Variants in DLGAP1 observed in about 807,000 individuals in gnomAD.
DLGAP1 encodes the protein DLG associated protein 1, also known as disks large-associated protein 1.
A neutral mutation model predicts 90.8 loss-of-function variants in DLGAP1; 11 were observed. The observed-to-expected ratio is 0.12, with a 90% CI of 0.08 to 0.20. The LOEUF is 0.20. Among genes scored for constraint, DLGAP1 ranks in the 10% least tolerant of loss-of-function variants. DLGAP1 has a pLI of 1.00. For missense variants in DLGAP1, 1,050 were observed against 1,333.8 expected (o/e 0.79, Z 3.31); for synonymous variants, 558 against 540.7 (o/e 1.03, Z -0.44).
In DLGAP1 at chr18:3,944,501, TA is replaced by T. The variant is rs111488734; in HGVS notation, c.-73+60614del. ...CCTGGGCTATAGACAGAGACTCTGT[TA>T]AAAAAAAAAAGTGCAAGGTGACTGT... On this transcript the variant is annotated intron_variant, in intron 3 of 12. Transcript: ENST00000315677. Among the ~76,000 whole-genome samples, 122 of 146,576 alleles carry T rather than the reference TA, an allele frequency of 8.3e-4. 2 individuals carry two copies. The highest frequency in any genetic ancestry group is 1.4e-3 in the Admixed American group (21 of 14,740).
At chr18:4,255,595 T>C (rs937505164) in intron 1 of DLGAP1, among the ~76,000 whole-genome samples, 6 of 151,794 alleles carry the variant, frequency 4.0e-5, no homozygotes, top group Non-Finnish European at 7.4e-5. Flanking sequence ...ATTTTAAGCA[T>C]GGGGAAAAGA....
At chr18:4,428,887 A>G (rs902412331) in intron 1 of DLGAP1, among the ~76,000 whole-genome samples, 3 of 152,226 alleles carry the variant, frequency 2.0e-5, no homozygotes, top group African/African-American at 7.2e-5. Context: ...CCACCACATT[A>G]AAATAGAAAA....
intron 1 of DLGAP1, among the ~76,000 whole-genome samples, chr18:4,399,515 A>C (rs1194017654): frequency 6.6e-6 from 1 of 152,248 alleles, no homozygotes; most frequent in Non-Finnish European, 1.5e-5. Context: ...AGAAATAAAA[A>C]TGTAAATATA....
intron 1 of DLGAP1, among the ~76,000 whole-genome samples, chr18:4,300,386 C>T (rs1033260156): frequency 6.6e-6 from 1 of 152,108 alleles, no homozygotes; most frequent in African/African-American, 2.4e-5. Context: ...ACATGCAAGA[C>T]AAAATGTTGA....
chr18:4,208,870 A>T (rs2077779476), intron 1 of DLGAP1, among the ~76,000 whole-genome samples: 1 of 152,136 alleles, frequency 6.6e-6, no homozygotes, highest in Non-Finnish European at 1.5e-5. Flanking sequence ...AACTACCTAG[A>T]CATGCACTCA....
chr18:4,092,117 A>C (rs1445871842), intron 2 of DLGAP1, among the ~76,000 whole-genome samples: 3 of 152,052 alleles, frequency 2.0e-5, no homozygotes, highest in Non-Finnish European at 4.4e-5. Context: ...CTAGCTTCAA[A>C]TTCCTCTAGT....
chr18:4,032,841 C>T (rs1221572633), intron 2 of DLGAP1, among the ~76,000 whole-genome samples: 1 of 152,198 alleles, frequency 6.6e-6, no homozygotes, highest in African/African-American at 2.4e-5. Flanking sequence ...GTCTCTGTCT[C>T]TCCGTCTCTG....
intron 2 of DLGAP1, among the ~76,000 whole-genome samples, chr18:4,053,378 C>G (rs1032159001): frequency 7.2e-5 from 11 of 152,128 alleles, no homozygotes; most frequent in African/African-American, 2.7e-4. Context: ...TGTGAGAACT[C>G]ACTCACTATC....
At chr18:3,936,208 C>A (rs899454436) in intron 3 of DLGAP1, among the ~76,000 whole-genome samples, 7 of 152,218 alleles carry the variant, frequency 4.6e-5, no homozygotes, top group Admixed American at 1.3e-4. Flanking sequence ...GACACAATCT[C>A]ATACTGATGT....
chr18:4,025,804 C>G (rs995184026), intron 2 of DLGAP1, among the ~76,000 whole-genome samples: 3 of 152,128 alleles, frequency 2.0e-5, no homozygotes, highest in African/African-American at 7.2e-5. Context: ...AATTGTTTTA[C>G]ATGACTGCTA....
At chr18:3,920,321 T>A (rs2072239807) in intron 3 of DLGAP1, among the ~76,000 whole-genome samples, 1 of 141,808 alleles carries the variant, frequency 7.1e-6, no homozygotes. Flanking sequence ...GCACTATACT[T>A]CTGCCTTCAG....
At chr18:3,844,874 T>C (rs1405592999) in intron 4 of DLGAP1, among the ~76,000 whole-genome samples, 2 of 152,192 alleles carry the variant, frequency 1.3e-5, no homozygotes, top group Non-Finnish European at 1.5e-5. Flanking sequence ...TCATAGTAAA[T>C]ATATTCAACA....
intron 1 of DLGAP1, among the ~76,000 whole-genome samples, chr18:4,257,261 T>A (rs2078907092): frequency 6.6e-6 from 1 of 152,184 alleles, no homozygotes; most frequent in African/African-American, 2.4e-5. Context: ...GCATGTGGGA[T>A]GCCTAAAGCA....
intron 2 of DLGAP1, among the ~76,000 whole-genome samples, chr18:4,145,522 C>A (rs899330672): frequency 2.0e-5 from 3 of 152,092 alleles, no homozygotes; most frequent in African/African-American, 4.8e-5. Flanking sequence ...TGAATTTCTG[C>A]TGACAAGTGC....
At chr18:4,369,185 C>G (rs2081856450) in intron 1 of DLGAP1, among the ~76,000 whole-genome samples, 1 of 152,166 alleles carries the variant, frequency 6.6e-6, no homozygotes, top group African/African-American at 2.4e-5. Context: ...ATAACTTTTC[C>G]TAGGTGTATG....
At chr18:4,017,751 C>G (rs1349854568) in intron 2 of DLGAP1, among the ~76,000 whole-genome samples, 2 of 152,158 alleles carry the variant, frequency 1.3e-5, no homozygotes, top group Non-Finnish European at 1.5e-5. Flanking sequence ...TTGCATAATA[C>G]AAACAAAGAC....
chr18:4,102,480 G>T (rs1343006131), intron 2 of DLGAP1, among the ~76,000 whole-genome samples: 1 of 152,110 alleles, frequency 6.6e-6, no homozygotes, highest in East Asian at 1.9e-4. Context: ...TGGATGTAAA[G>T]GAAAAAGCCC....
At chr18:4,107,382 G>A (rs2075887078) in intron 2 of DLGAP1, among the ~76,000 whole-genome samples, 1 of 152,156 alleles carries the variant, frequency 6.6e-6, no homozygotes, top group African/African-American at 2.4e-5. Flanking sequence ...GGAAGCCCGT[G>A]CGATCGATGA....
At chr18:4,176,792 G>A (rs2077115851) in intron 1 of DLGAP1, among the ~76,000 whole-genome samples, 1 of 152,230 alleles carries the variant, frequency 6.6e-6, no homozygotes, top group Admixed American at 6.5e-5. Context: ...AGGACTTTGT[G>A]TGAGAATTGG....
Sources: allele counts gnomAD v4.1 joint callset (sites outside exome capture counted in the v4.1 genomes callset), GRCh38; gene constraint gnomAD v4.1.1; transcripts MANE v1.5; gene names NCBI Gene and HGNC (gene_info 2026-07-23, HGNC 2026-07-21).